Variants in PDE7B observed in about 807,000 individuals in gnomAD.
PDE7B encodes phosphodiesterase 7B.
PDE7B carries 29 observed loss-of-function variants against 56.2 expected under a neutral mutation model. That is an observed-to-expected ratio of 0.52 (90% CI 0.38 to 0.70). PDE7B has a LOEUF of 0.70. Among genes scored for constraint, PDE7B ranks in the 30% least tolerant of loss-of-function variants. PDE7B has a pLI of 0.00. For missense variants in PDE7B, 490 were observed against 565.0 expected, an observed-to-expected ratio of 0.87 and a Z score of 1.35; for synonymous variants, 197 against 196.9, an observed-to-expected ratio of 1.00 and a Z score of 0.00.
At chr6:136,186,227 A>C (rs1779142617) in intron 11 of PDE7B, among the ~76,000 whole-genome samples, 1 of 152,058 alleles carries the variant, frequency 6.6e-6, no homozygotes, top group Admixed American at 6.5e-5. Context: ...ACTAGTCTGG[A>C]CAACATAGCG....
At chr6:136,031,476 A>G (rs1306301870) in intron 2 of PDE7B, among the ~76,000 whole-genome samples, 2 of 152,150 alleles carry the variant, frequency 1.3e-5, no homozygotes, top group Non-Finnish European at 2.9e-5. Flanking sequence ...GCGGTGGCTC[A>G]CGCCTGTAAT....
intron 2 of PDE7B, among the ~76,000 whole-genome samples, chr6:136,099,736 T>C (rs1161342488): frequency 4.6e-5 from 7 of 152,202 alleles, no homozygotes; most frequent in Admixed American, 4.6e-4. Context: ...CTGTTCACCC[T>C]GATGATAGTT....
rs182812779 is a variant in PDE7B, at chr6:135,924,291, A to T, written c.22-23173A>T. ...CAATTTAATTGTTCTGATGTAGAGAAATAGATATAGTCTATCCAAAGGATA... is the reference window on the plus strand; with the variant it reads ...CAATTTAATTGTTCTGATGTAGAGATATAGATATAGTCTATCCAAAGGATA... On this transcript the variant is annotated intron_variant, in intron 1 of 12. Coordinates refer to ENST00000308191, the MANE Select transcript of PDE7B (RefSeq NM_018945.4). Among the ~76,000 whole-genome samples, 669 of 152,356 alleles carry T rather than the reference A, an allele frequency of 4.4e-3. 3 individuals carry two copies. Among genetic ancestry groups the T allele is most frequent in the Admixed American group, 7.0e-3 (107 of 15,302 alleles).
At chr6:136,163,844 C>T (rs1017114358) in intron 8 of PDE7B, among the ~76,000 whole-genome samples, 8 of 152,222 alleles carry the variant, frequency 5.3e-5, no homozygotes, top group Non-Finnish European at 1.2e-4. Flanking sequence ...CCAACAAGTT[C>T]TTCATCTCCA....
chr6:136,022,717 T>C (rs1423947432), intron 2 of PDE7B, among the ~76,000 whole-genome samples: 1 of 152,216 alleles, frequency 6.6e-6, no homozygotes, highest in African/African-American at 2.4e-5. Flanking sequence ...GCCCTTCAGC[T>C]ATCAGAAGGC....
At chr6:136,086,949 C>G (rs1777302970) in intron 2 of PDE7B, among the ~76,000 whole-genome samples, 1 of 152,126 alleles carries the variant, frequency 6.6e-6, no homozygotes, top group Non-Finnish European at 1.5e-5. Flanking sequence ...GCATCGTGCG[C>G]CAGATTCTGG....
At position 136,004,988 on chromosome 6, in the gene PDE7B, A is replaced by G. The variant is rs1775750745; in HGVS notation, c.82+57464A>G. Reference sequence around the variant, plus strand: ...GCTACAGTAACCAAAACAGCATGGTACTGGTACCAATACAGAGATATAGAT... The same window carrying G: ...GCTACAGTAACCAAAACAGCATGGTGCTGGTACCAATACAGAGATATAGAT... On this transcript the variant is annotated intron_variant, in intron 2 of 12. Transcript: ENST00000308191. 2.0e-5 allele frequency among the ~76,000 whole-genome samples: 3 copies of G among 152,340 alleles called. No homozygotes were observed. In the South Asian group the frequency reaches 6.2e-4, roughly 32 times the overall value.
At chr6:135,901,137 T>A (rs1338591987) in intron 1 of PDE7B, among the ~76,000 whole-genome samples, 1 of 152,168 alleles carries the variant, frequency 6.6e-6, no homozygotes, top group African/African-American at 2.4e-5. Flanking sequence ...GGGGATGACC[T>A]TCTACCTATA....
At chr6:136,008,070 G>C (rs1044851594) in intron 2 of PDE7B, among the ~76,000 whole-genome samples, 1 of 150,902 alleles carries the variant, frequency 6.6e-6, no homozygotes, top group Non-Finnish European at 1.5e-5. Flanking sequence ...ACCTATGAGT[G>C]AGAACGTGCA....
At chr6:136,117,067 C>T (rs931702806) in intron 3 of PDE7B, 1 of 152,202 alleles carries the variant, frequency 6.6e-6, no homozygotes, top group African/African-American at 2.4e-5. Flanking sequence ...TTTGCTAACT[C>T]ACCTGAACAC....
intron 1 of PDE7B, among the ~76,000 whole-genome samples, chr6:135,857,228 G>C (rs1168269799): frequency 6.6e-6 from 1 of 151,814 alleles, no homozygotes; most frequent in Non-Finnish European, 1.5e-5. Context: ...CCTAGTGGTT[G>C]GTGAATTCAT....
At chr6:135,959,209 G>A (rs540977223) in intron 2 of PDE7B, among the ~76,000 whole-genome samples, 2 of 152,192 alleles carry the variant, frequency 1.3e-5, no homozygotes, top group African/African-American at 4.8e-5. Flanking sequence ...AATAGTGCCA[G>A]AAATGCTAAT....
chr6:136,041,846 A>G lies in PDE7B; in HGVS notation c.83-66885A>G, dbSNP rs144891625. Among the ~76,000 whole-genome samples the G allele has an allele frequency of 3.8e-3, 574 of 152,330 alleles. 11 individuals are homozygous for G. Among genetic ancestry groups the G allele is most frequent in the South Asian group, 0.035 (167 of 4,816 alleles). On this transcript the variant is annotated intron_variant, in intron 2 of 12. Transcript: ENST00000308191. ...GAGGTAAATAGTTCAGAGAGACTCA[A>G]TAAGGCATCCGGGATCACACACTGA... is the stretch of plus-strand genomic sequence containing the variant.
chr6:136,015,292 C>T (rs1033993404), intron 2 of PDE7B, among the ~76,000 whole-genome samples: 2 of 152,172 alleles, frequency 1.3e-5, no homozygotes, highest in Admixed American at 6.5e-5. Context: ...TTTTTGCTTG[C>T]GCAGGCTTAC....
At chr6:135,963,831 G>A (rs528822415) in intron 2 of PDE7B, among the ~76,000 whole-genome samples, 1 of 152,012 alleles carries the variant, frequency 6.6e-6, no homozygotes, top group African/African-American at 2.4e-5. Flanking sequence ...TTTAATGAAG[G>A]GGGCTACCTC....
intron 2 of PDE7B, among the ~76,000 whole-genome samples, chr6:136,077,277 C>T (rs1454398527): frequency 6.6e-6 from 1 of 152,062 alleles, no homozygotes. Flanking sequence ...TGTATTTTAC[C>T]ATTATTTCAA....
intron 2 of PDE7B, among the ~76,000 whole-genome samples, chr6:135,974,504 T>C (rs984308426): frequency 1.6e-4 from 25 of 152,180 alleles, no homozygotes; most frequent in African/African-American, 6.0e-4. Context: ...TCTTACTAGA[T>C]GTAGCAATTT....
chr6:136,023,003 A>T (rs1477013295), intron 2 of PDE7B, among the ~76,000 whole-genome samples: 1 of 152,108 alleles, frequency 6.6e-6, no homozygotes, highest in African/African-American at 2.4e-5. Context: ...TCAGAAAAAA[A>T]AAACCAGCTC....
intron 2 of PDE7B, among the ~76,000 whole-genome samples, chr6:136,091,419 G>A (rs1236883644): frequency 1.3e-5 from 2 of 152,182 alleles, no homozygotes; most frequent in Non-Finnish European, 2.9e-5. Context: ...AAGGTTAAAG[G>A]TGGGCAAAAG....
Sources: gnomAD v4.1 joint callset for allele counts (sites outside exome capture counted in the v4.1 genomes callset) on GRCh38, gnomAD v4.1.1 for gene constraint, MANE v1.5 for transcripts, NCBI Gene and HGNC (gene_info 2026-07-23, HGNC 2026-07-21) for gene names.